Variants in CHRNA6 observed in about 807,000 individuals in gnomAD.
CHRNA6 encodes the protein cholinergic receptor nicotinic alpha 6 subunit, also known as neuronal acetylcholine receptor subunit alpha-6.
A neutral mutation model predicts 40.9 loss-of-function variants in CHRNA6; 31 were observed. That is an observed-to-expected ratio of 0.76 (90% CI 0.57 to 1.02). The LOEUF is 1.02. Ranked by LOEUF, CHRNA6 falls within the 50% of genes least tolerant of loss-of-function variation. The pLI is 0.00. For synonymous variants in CHRNA6, 222 were observed against 221.3 expected (o/e 1.00, Z -0.03); for missense variants, 546 against 596.6 (o/e 0.92, Z 0.88).
chr8:42,759,319 C>A, intron 2 of CHRNA6: 1 of 541,958 alleles, frequency 1.8e-6, no homozygotes, highest in Non-Finnish European at 3.3e-6. Context: ...TTTTGAGAGG[C>A]AATGTGGCTT....
rs144055326 is a variant in CHRNA6 at position 42,768,588 on chromosome 8, G to C, written c.-158C>G. 1.8e-3 allele frequency: 994 copies of C among 565,586 alleles called. 10 individuals carry two copies. In the East Asian group the frequency reaches 0.027, roughly 15 times the overall value. The allele number at this position is 565,586 out of a possible 1,614,324, so 35.0% of individuals were successfully genotyped here. A position where few individuals can be genotyped will look rare whatever the true frequency, so the allele number is the denominator to read the frequency against. On this transcript the variant is annotated 5_prime_UTR_variant, in exon 1 of 6. Transcript: ENST00000276410. ...TCAAAACATCCCCGGGACTTCACACGGTTATTACCAGGATCAGAGACTGAG... is the reference window on the plus strand; with the variant it reads ...TCAAAACATCCCCGGGACTTCACACCGTTATTACCAGGATCAGAGACTGAG...
rs1816743532 is a variant in CHRNA6 at position 42,753,031 on chromosome 8, G to A, written c.*148C>T. 4 of 655,572 alleles carry A rather than the reference G, an allele frequency of 6.1e-6. No individual in the cohort carries two copies. Among genetic ancestry groups the A allele is most frequent in the Non-Finnish European group, 1.0e-5 (4 of 391,818 alleles). The allele number at this position is 655,572 out of a possible 1,614,324, so 40.6% of individuals were successfully genotyped here. Reference sequence around the variant, plus strand: ...ACTGGAGGATATTCTGCTTCCTAATGTGCAAGAAAGTCCTCTTTTTCCATG... The same window carrying A: ...ACTGGAGGATATTCTGCTTCCTAATATGCAAGAAAGTCCTCTTTTTCCATG... On this transcript the variant is annotated 3_prime_UTR_variant, in exon 6 of 6. Coordinates refer to ENST00000276410, the MANE Select transcript of CHRNA6 (RefSeq NM_004198.3).
rs146758501 is a variant in CHRNA6, at chr8:42,756,136, T to A, written c.1063A>T (p.Met355Leu). The part of the protein sequence containing the change: ...FLKLLPQVLL[M>L]RWPLDKTRGT... ...CTTGTCTTGTCCAGAGGCCACCTCA[T>A]CAGCAGGACCTGGGGCAGCAGCTTC... The change falls in exon 5 of 6, where the codon ATG becomes TTG. Residue 355 changes from methionine (M) to leucine (L), a missense_variant. Coordinates refer to ENST00000276410, the MANE Select transcript of CHRNA6 (RefSeq NM_004198.3). 5.0e-5 allele frequency: 80 copies of A among 1,614,140 alleles called. No individual in the cohort carries two copies. Among genetic ancestry groups the A allele is most frequent in the Non-Finnish European group, 6.6e-5 (78 of 1,180,050 alleles).
intron 2 of CHRNA6, among the ~76,000 whole-genome samples, chr8:42,762,778 A>T (rs1816921590): frequency 6.6e-6 from 1 of 152,126 alleles, no homozygotes; most frequent in Non-Finnish European, 1.5e-5. Flanking sequence ...TGAGGGAAAA[A>T]CCCAGTCCCA....
intron 2 of CHRNA6, among the ~76,000 whole-genome samples, chr8:42,763,019 A>G (rs1816926287): frequency 6.6e-6 from 1 of 152,234 alleles, no homozygotes; most frequent in African/African-American, 2.4e-5. Context: ...TGAGATGGAA[A>G]GCAGCAGCTC....
chr8:42,758,223 G>T (rs760440584), intron 3 of CHRNA6, among the ~76,000 whole-genome samples: 2 of 151,940 alleles, frequency 1.3e-5, no homozygotes, highest in African/African-American at 4.8e-5. Context: ...TAAAGTTTTA[G>T]GCTCAACTTC....
In CHRNA6 at chr8:42,755,752, A is replaced by G. The variant is rs538598305; in HGVS notation, c.1353+94T>C. The G allele has an allele frequency of 8.8e-5, 126 of 1,430,320 alleles. 1 individual carries two copies. The South Asian group carries it at 1.6e-3, about 18-fold the overall frequency. The allele number at this position is 1,430,320 out of a possible 1,614,324, so 88.6% of individuals were successfully genotyped here. On this transcript the variant is annotated intron_variant, in intron 5 of 5. Coordinates refer to ENST00000276410, the MANE Select transcript of CHRNA6 (RefSeq NM_004198.3). ...AGCAAGGCCGCCTGACCCTCTCAGG[A>G]ACAAAAGTCACACTGAAGGTCTGAC... is the stretch of plus-strand genomic sequence containing the variant.
At position 42,756,080 on chromosome 8, in the gene CHRNA6, G is replaced by T; in HGVS notation, c.1119C>A (p.Gly373=). Residue 373 remains glycine (G), a synonymous_variant, in exon 5 of 6, where the codon GGC becomes GGA. Transcript: ENST00000276410. The part of the protein sequence containing the change: ...RGTGSDAVPR[G]LARRPAKGKL... ...TGCCTTTGGCAGGCCTCCTGGCAAGGCCTCTGGGCACTGCATCAGAGCCTG... is the reference window on the plus strand; with the variant it reads ...TGCCTTTGGCAGGCCTCCTGGCAAGTCCTCTGGGCACTGCATCAGAGCCTG... The T allele has an allele frequency of 2.5e-6, 4 of 1,614,226 alleles. No homozygotes were observed. The highest frequency in any genetic ancestry group is 1.1e-5 in the South Asian group (1 of 91,084).
intron 3 of CHRNA6, among the ~76,000 whole-genome samples, chr8:42,758,013 C>T (rs1006403401): frequency 6.6e-6 from 1 of 150,426 alleles, no homozygotes; most frequent in African/African-American, 2.5e-5. Flanking sequence ...CCAGCCTGGG[C>T]GACAGAGCGA....
Position 42,752,875 on chromosome 8 carries a change from A to G in CHRNA6, c.*304T>C, listed in dbSNP as rs1816741208. ...GATGTTAATTACATAATTAGGCTGT[A>G]TTGTAAGTCATTCTTGTCTTTAGAA... is the stretch of plus-strand genomic sequence containing the variant. On this transcript the variant is annotated 3_prime_UTR_variant, in exon 6 of 6. Transcript: ENST00000276410. 3 of 245,460 alleles carry G rather than the reference A, an allele frequency of 1.2e-5. No homozygotes were observed. The highest frequency in any genetic ancestry group is 2.3e-5 in the Non-Finnish European group (3 of 128,826). 15.2% of individuals were successfully genotyped at this position (245,460 alleles called of 1,614,324 possible).
At position 42,757,500 on chromosome 8, in the gene CHRNA6, G is replaced by A. The variant is rs372116291; in HGVS notation, c.265-463C>T. On this transcript the variant is annotated intron_variant, in intron 3 of 5. Coordinates refer to ENST00000276410, the MANE Select transcript of CHRNA6 (RefSeq NM_004198.3). ...AGCACTTTGGGAGGCCGAGGTGAGC[G>A]GATCACTAGGTCAGAAGATTGAGAC... 5.6e-3 allele frequency among the ~76,000 whole-genome samples: 798 copies of A among 142,562 alleles called. 12 individuals are homozygous for A. The highest frequency in any genetic ancestry group is 0.019 in the African/African-American group (746 of 38,268). The allele number at this position is 142,562 out of a possible 152,430, so 93.5% of individuals were successfully genotyped here.
intron 3 of CHRNA6, 145 bp from the exon 4 acceptor site, chr8:42,757,182 A>AGCC: frequency 1.6e-6 from 1 of 622,238 alleles, no homozygotes; most frequent in African/African-American, 1.9e-5. Context: ...CCTGGCCAGC[A>AGCC]TAGTGAAACC....
At chr8:42,763,402 T>C (rs1181362090) in intron 2 of CHRNA6, among the ~76,000 whole-genome samples, 1 of 152,222 alleles carries the variant, frequency 6.6e-6, no homozygotes, top group Non-Finnish European at 1.5e-5. Flanking sequence ...GGAATAAACT[T>C]GTTTTGTAAA....
At chr8:42,760,911 T>C (rs1291836988) in intron 2 of CHRNA6, among the ~76,000 whole-genome samples, 1 of 152,198 alleles carries the variant, frequency 6.6e-6, no homozygotes, top group African/African-American at 2.4e-5. Flanking sequence ...GCCTGGTGGC[T>C]GTTTATGTCC....
chr8:42,762,904 G>A (rs140821905), intron 2 of CHRNA6, among the ~76,000 whole-genome samples: 13 of 152,226 alleles, frequency 8.5e-5, no homozygotes, highest in South Asian at 2.1e-4. Flanking sequence ...GGATCCCTCC[G>A]TTATTTCTTA....
rs148930082 is a variant in CHRNA6 at position 42,762,761 on chromosome 8, A to T, written c.219+2304T>A. ...AGTGACTCGGAGGAATCTCTAAAGG[A>T]TGATGCTGAGGGAAAAACCCAGTCC... On this transcript the variant is annotated intron_variant, in intron 2 of 5. Transcript: ENST00000276410. Among the ~76,000 whole-genome samples the T allele has an allele frequency of 2.6e-5, 4 of 152,306 alleles. No individual in the cohort carries two copies. In the East Asian group the frequency reaches 7.7e-4, roughly 29 times the overall value.
rs975076085 is a variant in CHRNA6, at chr8:42,759,925, G to A, written c.220-812C>T. The stretch of plus-strand genomic sequence containing the variant: ...AAAAAAAAAAAAAAAGTCAGCCTTG[G>A]CCACCATGGGGTTTCCAGCTGGCAG... On this transcript the variant is annotated intron_variant, in intron 2 of 5. Transcript: ENST00000276410. Among the ~76,000 whole-genome samples the A allele has an allele frequency of 4.7e-5, 7 of 150,206 alleles. No homozygotes were observed. In the South Asian group the frequency reaches 1.5e-3, roughly 31 times the overall value.
At chr8:42,765,006 A>C (rs781389982) in intron 2 of CHRNA6, 59 bp downstream of exon 2, 1 of 1,571,358 alleles carries the variant, frequency 6.4e-7, no homozygotes. Flanking sequence ...AAATTCCTTC[A>C]TTTACCACCT....
At chr8:42,766,365 G>A (rs549419159) in intron 1 of CHRNA6, among the ~76,000 whole-genome samples, 9 of 152,070 alleles carry the variant, frequency 5.9e-5, no homozygotes, top group Non-Finnish European at 1.0e-4. Context: ...GGTGGTGGGC[G>A]CCTGTAGTCC....
Sources: gnomAD v4.1 joint callset for allele counts (sites outside exome capture counted in the v4.1 genomes callset) on GRCh38, gnomAD v4.1.1 for gene constraint, MANE v1.5 for transcripts, NCBI Gene and HGNC (gene_info 2026-07-23, HGNC 2026-07-21) for gene names.